Variants in WFDC8 observed in about 807,000 individuals in gnomAD.
The protein encoded by WFDC8 is WAP four-disulfide core domain protein 8.
In WFDC8, 24 loss-of-function variants were observed where a neutral mutation model predicts 27.0. The ratio of observed to expected loss-of-function variants is 0.89; its 90% CI spans 0.64 to 1.25. The LOEUF (loss-of-function observed/expected upper bound fraction) is 1.25. Among genes scored for constraint, WFDC8 ranks in the 50% most tolerant of loss-of-function variants. The probability of loss-of-function intolerance (pLI) is 0.00; values close to 1 mark genes in which losing one functional copy is unlikely to be tolerated. For synonymous variants in WFDC8, 106 were observed against 99.7 expected (o/e 1.06, Z -0.38); for missense variants, 287 against 295.9 (o/e 0.97, Z 0.22).
At chr20:45,558,631 A>C (rs566664467) in intron 3 of WFDC8, among the ~76,000 whole-genome samples, 24 of 152,328 alleles carry the variant, frequency 1.6e-4, no homozygotes, top group Admixed American at 3.9e-4. Flanking sequence ...TTATTTGTGA[A>C]TAATTGAATG....
At chr20:45,567,140 C>CA (rs745898015) in intron 1 of WFDC8, among the ~76,000 whole-genome samples, 34 of 149,684 alleles carry the variant, frequency 2.3e-4, no homozygotes, top group African/African-American at 3.2e-4. Context: ...CTGTAAATGC[C>CA]AAAAAAAAAT....
chr20:45,553,260 G>T lies in WFDC8; in HGVS notation c.462C>A (p.Cys154Ter), dbSNP rs1277899116. ...ACMLIVKDGQCPLFPFTERKE... is the reference protein window; with the variant it reads ...ACMLIVKDGQ ...TACGTTCAGTGAAAGGGAAGAGTGG[G>T]CATTGTCCATCCTTAACTAAAATAA... Residue 154 changes from cysteine to a stop codon, truncating the protein, a stop_gained, in exon 5 of 6, where the codon TGC becomes TGA. Transcript: ENST00000289953. LOFTEE classifies it high-confidence loss of function. The T allele has an allele frequency of 2.5e-6, 4 of 1,613,470 alleles. No individual in the cohort carries two copies. Among genetic ancestry groups the T allele is most frequent in the Non-Finnish European group, 3.4e-6 (4 of 1,179,622 alleles).
At position 45,578,632 on chromosome 20, in the gene WFDC8, G is replaced by A. The variant is rs137924628; in HGVS notation, c.26+590C>T. ...CCCAAAGTCAATGAGACAGAAATGTGTCTTCCTTCCACGGGCCGTTCTAAA... is the reference window on the plus strand; with the variant it reads ...CCCAAAGTCAATGAGACAGAAATGTATCTTCCTTCCACGGGCCGTTCTAAA... On this transcript the variant is annotated intron_variant, in intron 1 of 5. Transcript: ENST00000289953. 2.1e-4 allele frequency among the ~76,000 whole-genome samples: 29 copies of A among 141,380 alleles called. No individual in the cohort carries two copies. The East Asian group carries it at 2.9e-3, about 14-fold the overall frequency. The allele number at this position is 141,380 out of a possible 152,430, so 92.8% of individuals were successfully genotyped here.
At chr20:45,551,661 A>G (rs1445449196), downstream of WFDC8, 1 of 158,386 alleles carries the variant, frequency 6.3e-6, no homozygotes, top group Non-Finnish European at 1.4e-5. Context: ...GAAAAAGAAA[A>G]TAATTTAAGT....
At chr20:45,574,773 G>C (rs1435568602) in intron 1 of WFDC8, among the ~76,000 whole-genome samples, 2 of 152,206 alleles carry the variant, frequency 1.3e-5, no homozygotes, top group African/African-American at 4.8e-5. Context: ...ACTCTAGCCT[G>C]AGTGACAAAG....
Position 45,555,827 on chromosome 20 carries a change from C to T in WFDC8, c.319G>A (p.Glu107Lys). 6.2e-7 allele frequency: 1 copy of T among 1,614,020 alleles called. No individual in the cohort carries two copies. ...AAGTCAAAATGCCAGCGCTGTGCCT[C>T]ATGATTACAGTTTCCATGCCTCACA... is the stretch of plus-strand genomic sequence containing the variant. ...LPVRHGNCNH[E>K]AQRWHFDFKN... Residue 107 changes from glutamate to lysine, a missense_variant, in exon 4 of 6, where the codon GAG becomes AAG. Physicochemically the swap from Glu to Lys is moderately conservative, Grantham distance 56. Transcript: ENST00000289953.
intron 1 of WFDC8, among the ~76,000 whole-genome samples, chr20:45,566,299 A>T (rs1169179434): frequency 6.6e-6 from 1 of 152,204 alleles, no homozygotes; most frequent in African/African-American, 2.4e-5. Context: ...ATTGATTAAT[A>T]ATTAAATTAG....
intron 1 of WFDC8, among the ~76,000 whole-genome samples, chr20:45,565,908 T>A (rs868134244): frequency 3.9e-5 from 6 of 152,102 alleles, no homozygotes; most frequent in Admixed American, 6.5e-5. Context: ...TCAAGTTTTT[T>A]AAAAAATATA....
chr20:45,554,155 G>GTT (rs10715751), intron 4 of WFDC8, among the ~76,000 whole-genome samples: 2 of 151,272 alleles, frequency 1.3e-5, no homozygotes, highest in African/African-American at 4.9e-5. Flanking sequence ...CACCATGCCT[G>GTT]TTTTTTTTGT....
intron 1 of WFDC8, among the ~76,000 whole-genome samples, chr20:45,564,106 G>C (rs1279559608): frequency 1.3e-5 from 2 of 152,070 alleles, no homozygotes; most frequent in African/African-American, 2.4e-5. Context: ...GGTTGGACTG[G>C]GGTTTGTTTG....
intron 2 of WFDC8, among the ~76,000 whole-genome samples, chr20:45,560,239 T>A (rs892975214): frequency 3.9e-5 from 6 of 152,118 alleles, no homozygotes; most frequent in African/African-American, 1.4e-4. Flanking sequence ...GGAATAAGGG[T>A]GGCATCTAGA....
chr20:45,566,063 G>A (rs148352857), intron 1 of WFDC8, among the ~76,000 whole-genome samples: 111 of 152,218 alleles, frequency 7.3e-4, no homozygotes, highest in African/African-American at 2.5e-3. Context: ...GAGCATTTCA[G>A]ATTAGATAAG....
intron 1 of WFDC8, among the ~76,000 whole-genome samples, chr20:45,569,757 T>A (rs186435385): frequency 2.1e-4 from 32 of 152,266 alleles, no homozygotes; most frequent in African/African-American, 7.7e-4. Flanking sequence ...CCTTTCCCCT[T>A]CACAATAGCA....
rs1195686893 is a variant in WFDC8 at position 45,555,696 on chromosome 20, C to G, written c.445+5G>C. The G allele has an allele frequency of 6.2e-7, 1 of 1,612,176 alleles. No individual in the cohort carries two copies. The highest frequency in any genetic ancestry group is 1.7e-5 in the Admixed American group (1 of 60,024). On this transcript the variant is annotated splice_donor_5th_base_variant and intron_variant, in intron 4 of 5. Coordinates refer to ENST00000289953, the MANE Select transcript of WFDC8 (RefSeq NM_130896.3). ...ACCCTCAGATTTCCAGGATAGAGGT[C>G]TCACCAATTAACATGCAGGCCGTTC...
chr20:45,566,160 T>C (rs963165733), intron 1 of WFDC8, among the ~76,000 whole-genome samples: 1 of 152,022 alleles, frequency 6.6e-6, no homozygotes, highest in African/African-American at 2.4e-5. Context: ...GTTAACTTTC[T>C]GGAAATTAAG....
At chr20:45,552,250 C>T in intron 5 of WFDC8, 85 bp from the exon 6 acceptor site, 2 of 1,533,604 alleles carry the variant, frequency 1.3e-6, no homozygotes, top group African/African-American at 1.4e-5. Flanking sequence ...GAATCTCAAA[C>T]AAGGTTTTAT....
intron 3 of WFDC8, 74 bp downstream of exon 3, chr20:45,558,778 C>T: frequency 6.3e-7 from 1 of 1,583,792 alleles, no homozygotes; most frequent in Non-Finnish European, 8.6e-7. Flanking sequence ...TCCTGCCATC[C>T]AAGGGAATCC....
rs570508729 is a variant in WFDC8, at chr20:45,571,066, T to C, written c.26+8156A>G. ...GGGTAGGAGTTTCTCCAGAGCCCCA[T>C]CATTGAACCTACTTTAAAAAAAAGT... On this transcript the variant is annotated intron_variant, in intron 1 of 5. Transcript: ENST00000289953. Among the ~76,000 whole-genome samples, 26 of 152,288 alleles carry C rather than the reference T, an allele frequency of 1.7e-4. No individual in the cohort carries two copies. The South Asian group carries it at 4.6e-3, about 27-fold the overall frequency.
At chr20:45,553,069 C>A in intron 5 of WFDC8, 67 bp downstream of exon 5, 1 of 1,550,154 alleles carries the variant, frequency 6.5e-7, no homozygotes, top group Non-Finnish European at 8.7e-7. Context: ...CCCCCCACTC[C>A]ATGGAGACAG....
Sources: gnomAD v4.1 joint callset for allele counts (sites outside exome capture counted in the v4.1 genomes callset) on GRCh38, gnomAD v4.1.1 for gene constraint, MANE v1.5 for transcripts, NCBI Gene and HGNC (gene_info 2026-07-23, HGNC 2026-07-21) for gene names.